Variants in TLN2 observed in about 807,000 individuals in gnomAD.
TLN2 encodes talin 2.
A neutral mutation model predicts 294.7 loss-of-function variants in TLN2; 118 were observed. The observed-to-expected ratio is 0.40, with a 90% CI of 0.34 to 0.47. The LOEUF (loss-of-function observed/expected upper bound fraction) is 0.47. TLN2 is among the 20% of genes least tolerant of loss of function. TLN2 has a pLI of 0.84. For missense variants in TLN2, 3,083 were observed against 3,282.2 expected (o/e 0.94, Z 1.48); for synonymous variants, 1,431 against 1,304.5 (o/e 1.10, Z -2.09).
Position 62,738,282 on chromosome 15 carries a change from C to T in TLN2, c.3636C>T (p.Asp1212=), listed in dbSNP as rs371992822. The part of the protein sequence containing the change: ...VNCLPGQKDV[D]VALKSIGESS... ...GCCTCCCTGGGCAGAAGGATGTGGA[C>T]GTGGCCTTGAAGAGCATCGGGGAGT... The change falls in exon 30 of 59, where the codon GAC becomes GAT. Residue 1212 remains aspartate (D), a synonymous_variant. Coordinates refer to ENST00000636159, the MANE Select transcript of TLN2 (RefSeq NM_015059.3). 287 of 1,614,134 alleles carry T rather than the reference C, an allele frequency of 1.8e-4. 4 individuals carry two copies. In the South Asian group the frequency reaches 2.7e-3, roughly 15 times the overall value.
intron 1 of TLN2, among the ~76,000 whole-genome samples, chr15:62,573,002 C>T (rs186327837): frequency 6.6e-6 from 1 of 151,150 alleles, no homozygotes; most frequent in Non-Finnish European, 1.5e-5. Context: ...CCACACCTCT[C>T]TTCTCATAGC....
intron 1 of TLN2, among the ~76,000 whole-genome samples, chr15:62,524,292 G>A (rs1567056890): frequency 6.6e-6 from 1 of 152,178 alleles, no homozygotes; most frequent in Non-Finnish European, 1.5e-5. Context: ...TCACAAAGCT[G>A]TGAGTAGAAG....
chr15:62,718,434 G>A (rs1239955279), intron 24 of TLN2, among the ~76,000 whole-genome samples: 2 of 152,188 alleles, frequency 1.3e-5, no homozygotes, highest in Middle Eastern at 3.4e-3. Flanking sequence ...AGAGCCAACT[G>A]CAACCCTCTC....
chr15:62,804,609 G>A (rs4774452), intron 50 of TLN2, among the ~76,000 whole-genome samples: 12,413 of 152,162 alleles, frequency 0.082, 735 homozygotes, highest in East Asian at 0.18. Flanking sequence ...TCCATGTAGC[G>A]CGTGCCATGA....
chr15:62,736,225 C>A (rs1001082414), intron 28 of TLN2, among the ~76,000 whole-genome samples: 2 of 150,766 alleles, frequency 1.3e-5, no homozygotes, highest in Non-Finnish European at 2.9e-5. Context: ...GAGGCTGAGG[C>A]AGGAGAATGG....
At chr15:62,529,095 T>C (rs77098061) in intron 1 of TLN2, among the ~76,000 whole-genome samples, 16,230 of 140,446 alleles carry the variant, frequency 0.12, 898 homozygotes, top group Non-Finnish European at 0.13. Flanking sequence ...TTTACAGGGC[T>C]TTTTTTTTTT....
At chr15:62,400,539 A>G (rs537721545) in intron 1 of TLN2, among the ~76,000 whole-genome samples, 3 of 152,340 alleles carry the variant, frequency 2.0e-5, no homozygotes, top group South Asian at 2.1e-4. Flanking sequence ...TAAATAGTCT[A>G]TAATGAATTC....
intron 1 of TLN2, among the ~76,000 whole-genome samples, chr15:62,588,101 C>T (rs921654260): frequency 6.6e-6 from 1 of 151,970 alleles, no homozygotes; most frequent in Admixed American, 6.6e-5. Context: ...AGGATGGTCT[C>T]GATATCCTGA....
In TLN2 at chr15:62,581,223, A is replaced by G. The variant is rs188146881; in HGVS notation, c.-237-8464A>G. On this transcript the variant is annotated intron_variant, in intron 1 of 58. Coordinates refer to ENST00000636159, the MANE Select transcript of TLN2 (RefSeq NM_015059.3). ...CTGTCTCCCTAGTGTTGCCTCTTCC[A>G]GAATGTCATCGAGTTGGAATTGTAT... Among the ~76,000 whole-genome samples, 703 of 152,272 alleles carry G rather than the reference A, an allele frequency of 4.6e-3. 2 individuals carry two copies. Among genetic ancestry groups the G allele is most frequent in the Non-Finnish European group, 6.7e-3 (455 of 68,016 alleles).
intron 1 of TLN2, among the ~76,000 whole-genome samples, chr15:62,459,991 C>A (rs2036702838): frequency 6.6e-6 from 1 of 152,148 alleles, no homozygotes; most frequent in Non-Finnish European, 1.5e-5. Flanking sequence ...ATTGTTACTC[C>A]CCCTCTCTGA....
intron 1 of TLN2, among the ~76,000 whole-genome samples, chr15:62,462,410 C>T (rs143254177): frequency 3.8e-4 from 58 of 152,288 alleles, no homozygotes; most frequent in African/African-American, 1.3e-3. Context: ...CTGAAAGGCC[C>T]GTGGGCTGTC....
At chr15:62,439,265 A>C (rs1427541560) in intron 1 of TLN2, among the ~76,000 whole-genome samples, 2 of 152,142 alleles carry the variant, frequency 1.3e-5, no homozygotes, top group African/African-American at 4.8e-5. Context: ...GCCTAGATAA[A>C]ACCTGTTAAT....
At chr15:62,757,387 G>T (rs2062349251) in intron 37 of TLN2, among the ~76,000 whole-genome samples, 1 of 152,350 alleles carries the variant, frequency 6.6e-6, no homozygotes, top group Admixed American at 6.5e-5. Context: ...GTTGACAGCA[G>T]TGACATCGTT....
At chr15:62,570,235 C>T (rs369162126) in intron 1 of TLN2, among the ~76,000 whole-genome samples, 1 of 152,194 alleles carries the variant, frequency 6.6e-6, no homozygotes, top group African/African-American at 2.4e-5. Flanking sequence ...GCCTCACCCA[C>T]GGGGAGGGTG....
At chr15:62,813,495 AT>A (rs1567662682) in intron 52 of TLN2, among the ~76,000 whole-genome samples, 3 of 152,282 alleles carry the variant, frequency 2.0e-5, no homozygotes, top group African/African-American at 7.2e-5. Context: ...TGCGATAAGG[AT>A]TTTTCCCCCT....
chr15:62,466,115 C>A (rs113309324), intron 1 of TLN2, among the ~76,000 whole-genome samples: 1 of 152,104 alleles, frequency 6.6e-6, no homozygotes, highest in Non-Finnish European at 1.5e-5. Flanking sequence ...TGAGAGGCAG[C>A]GGCTGCCAGC....
rs1188401395 is a variant in TLN2 at position 62,811,647 on chromosome 15, A to G, written c.6771+1615A>G. 2.0e-5 allele frequency among the ~76,000 whole-genome samples: 3 copies of G among 152,182 alleles called. No homozygotes were observed. In the East Asian group the frequency reaches 5.8e-4, roughly 29 times the overall value. On this transcript the variant is annotated intron_variant, in intron 52 of 58. Coordinates refer to ENST00000636159, the MANE Select transcript of TLN2 (RefSeq NM_015059.3). ...CAGTTTCCTCAGACGTTAAACAGGC[A>G]GTTTATTAAGGATGAAATGAGCATG...
intron 1 of TLN2, among the ~76,000 whole-genome samples, chr15:62,416,434 G>A (rs2034085608): frequency 2.0e-5 from 3 of 152,202 alleles, no homozygotes; most frequent in Admixed American, 2.0e-4. Flanking sequence ...GTGTATCACA[G>A]GCAATCTGCT....
At chr15:62,505,178 C>G (rs564385518) in intron 1 of TLN2, among the ~76,000 whole-genome samples, 1 of 152,040 alleles carries the variant, frequency 6.6e-6, no homozygotes, top group Non-Finnish European at 1.5e-5. Flanking sequence ...AGGCCAGTCT[C>G]GAACTCCTGA....
Sources: allele counts gnomAD v4.1 joint callset (sites outside exome capture counted in the v4.1 genomes callset), GRCh38; gene constraint gnomAD v4.1.1; transcripts MANE v1.5; gene names NCBI Gene and HGNC (gene_info 2026-07-23, HGNC 2026-07-21).